The following ZNF600 variants were observed in gnomAD, a reference collection of about 807,000 sequenced individuals.
The protein encoded by ZNF600 is zinc finger protein 600.
A neutral mutation model predicts 7.3 loss-of-function variants in ZNF600; 4 were observed. The observed-to-expected ratio is 0.55, with a 90% confidence interval of 0.27 to 1.25. The LOEUF is 1.25. Among genes scored for constraint, ZNF600 ranks in the 50% most tolerant of loss-of-function variants. The pLI, the probability that ZNF600 is intolerant of heterozygous loss-of-function variation, is 0.12. For missense variants in ZNF600, 911 were observed against 922.1 expected (o/e 0.99, Z 0.16); for synonymous variants, 290 against 308.9 (o/e 0.94, Z 0.64).
At chr19:52,801,348 T>G in the ZNF600 span, 1 of 1,614,202 alleles carries the variant, frequency 6.2e-7, no homozygotes, top group Non-Finnish European at 8.5e-7. Flanking sequence ...GTTGATAGAC[T>G]TCTCAACTTG....
At chr19:52,777,370 C>T (rs903666028) in intron 2 of ZNF600, among the ~76,000 whole-genome samples, 2 of 152,076 alleles carry the variant, frequency 1.3e-5, no homozygotes, top group African/African-American at 4.8e-5. Context: ...GAGCGAGACT[C>T]CATCTCTAAA....
At chr19:52,807,368 A>G in the ZNF600 span, among the ~76,000 whole-genome samples, 5 of 152,362 alleles carry the variant, frequency 3.3e-5, no homozygotes, top group Middle Eastern at 3.4e-3. Flanking sequence ...GAGCACTGTA[A>G]TATGTAGTAT....
At chr19:52,787,934 T>C (rs2062779528), upstream of ZNF600, among the ~76,000 whole-genome samples, 1 of 151,758 alleles carries the variant, frequency 6.6e-6, no homozygotes. Context: ...ATTTACCAGA[T>C]ACCAGTACAC....
chr19:52,795,554 G>A, the ZNF600 span, among the ~76,000 whole-genome samples: 1 of 152,046 alleles, frequency 6.6e-6, no homozygotes, highest in African/African-American at 2.4e-5. Flanking sequence ...GCTTATTTGA[G>A]AAGCAGTTAT....
chr19:52,777,815 C>A (rs1039637067), intron 2 of ZNF600, among the ~76,000 whole-genome samples: 4 of 151,962 alleles, frequency 2.6e-5, no homozygotes, highest in Admixed American at 6.6e-5. Context: ...GGGGACTGAG[C>A]GAGACTCCAT....
At chr19:52,783,170 C>A (rs111479123) in intron 1 of ZNF600, among the ~76,000 whole-genome samples, 4,200 of 151,784 alleles carry the variant, frequency 0.028, 98 homozygotes, top group Non-Finnish European at 0.044. Flanking sequence ...TTATAAAATG[C>A]ACCACACTTA....
chr19:52,793,764 CCACACACACACACACACACACA>C, the ZNF600 span, among the ~76,000 whole-genome samples: 276 of 138,832 alleles, frequency 2.0e-3, 1 homozygote, highest in African/African-American at 6.9e-3. Flanking sequence ...CCAAACTCTG[CCACACACACACACACACACACA>C]CACACACACA....
chr19:52,765,505 T>G, exon 4 of ZNF600: 1 of 1,601,256 alleles, frequency 6.2e-7, no homozygotes, highest in Non-Finnish European at 8.5e-7. Context: ...TTATTACACT[T>G]GTTAGATCTT....
At chr19:52,833,643 G>A in the ZNF600 span, among the ~76,000 whole-genome samples, 12 of 152,156 alleles carry the variant, frequency 7.9e-5, 1 homozygote, top group Middle Eastern at 3.4e-3. Context: ...CGTGAAAAAA[G>A]TATGAAACTT....
At chr19:52,780,614 G>C (rs1361630621) in intron 1 of ZNF600, 1 of 152,138 alleles carries the variant, frequency 6.6e-6, no homozygotes, top group East Asian at 1.9e-4. Flanking sequence ...TGTGATCCCA[G>C]CTACTCGGGA....
chr19:52,829,290 G>A, the ZNF600 span, among the ~76,000 whole-genome samples: 3 of 151,126 alleles, frequency 2.0e-5, no homozygotes, highest in Admixed American at 2.0e-4. Flanking sequence ...ATGTATACAT[G>A]TGCCATGCTG....
the ZNF600 span, among the ~76,000 whole-genome samples, chr19:52,811,015 G>T: frequency 7.0e-6 from 1 of 142,276 alleles, no homozygotes; most frequent in African/African-American, 2.5e-5. Flanking sequence ...TCAGCCTGCC[G>T]AGTGCCTGCG....
exon 4 of ZNF600, chr19:52,767,589 T>C (rs370087597): frequency 6.2e-7 from 1 of 1,614,068 alleles, no homozygotes; most frequent in Non-Finnish European, 8.5e-7. Flanking sequence ...GGGTGCTTCA[T>C]GGCCATTTCT....
chr19:52,775,095 T>A (rs1256554530), intron 2 of ZNF600, among the ~76,000 whole-genome samples: 1 of 151,738 alleles, frequency 6.6e-6, no homozygotes, highest in Non-Finnish European at 1.5e-5. Context: ...TAAAAATTTG[T>A]CAGGCATGGT....
At chr19:52,807,373 T>C in the ZNF600 span, among the ~76,000 whole-genome samples, 1 of 152,206 alleles carries the variant, frequency 6.6e-6, no homozygotes, top group Non-Finnish European at 1.5e-5. Context: ...CTGTAATATG[T>C]AGTATGTGGA....
intron 2 of ZNF600, among the ~76,000 whole-genome samples, chr19:52,776,510 C>G (rs77827841): frequency 0.12 from 18,695 of 151,698 alleles, 1,368 homozygotes; most frequent in South Asian, 0.2. Flanking sequence ...CACCCAGGTT[C>G]AAGCAATTCT....
intron 3 of ZNF600, among the ~76,000 whole-genome samples, chr19:52,770,882 G>A (rs2062624982): frequency 6.6e-6 from 1 of 152,086 alleles, no homozygotes; most frequent in Non-Finnish European, 1.5e-5. Flanking sequence ...TGCCCAGGCT[G>A]GAGTGCAATA....
the ZNF600 span, among the ~76,000 whole-genome samples, chr19:52,822,134 G>A: frequency 7.5e-6 from 1 of 134,098 alleles, no homozygotes; most frequent in Non-Finnish European, 1.5e-5. Context: ...GTGCAGTGGC[G>A]AGATCTTGAC....
At chr19:52,823,236 C>T in the ZNF600 span, among the ~76,000 whole-genome samples, 3 of 152,114 alleles carry the variant, frequency 2.0e-5, no homozygotes, top group South Asian at 2.1e-4. Context: ...GTTTTTGGTA[C>T]GGAGTCTTGC....
Sources: allele counts gnomAD v4.1 joint callset (sites outside exome capture counted in the v4.1 genomes callset), GRCh38; gene constraint gnomAD v4.1.1; transcripts MANE v1.5; gene names NCBI Gene and HGNC (gene_info 2026-07-23, HGNC 2026-07-21).